Variants in KLHL5 observed in about 807,000 individuals in gnomAD.
KLHL5 encodes the protein kelch-like protein 5.
KLHL5 carries 48 observed loss-of-function variants against 77.7 expected under a neutral mutation model. The observed-to-expected ratio is 0.62, with a 90% CI of 0.49 to 0.79. The LOEUF (loss-of-function observed/expected upper bound fraction) is 0.79, where lower values mean the gene tolerates loss of function less well. Among genes scored for constraint, KLHL5 ranks in the 30% least tolerant of loss-of-function variants. The pLI is 0.00. For synonymous variants in KLHL5, 260 were observed against 297.0 expected (o/e 0.88, Z 1.28); for missense variants, 723 against 859.7 (o/e 0.84, Z 1.99).
chr4:39,075,669 CTT>C (rs1008727680), intron 1 of KLHL5, among the ~76,000 whole-genome samples: 3 of 152,014 alleles, frequency 2.0e-5, no homozygotes, highest in Admixed American at 6.6e-5. Flanking sequence ...TAGCTTAGCT[CTT>C]TTTCAGCAGA....
intron 4 of KLHL5, among the ~76,000 whole-genome samples, chr4:39,083,526 G>C (rs1337153108): frequency 6.6e-6 from 1 of 152,146 alleles, no homozygotes; most frequent in Non-Finnish European, 1.5e-5. Flanking sequence ...ACAACAGGAT[G>C]ATAATATATA....
chr4:39,069,428 TTTTATATATATATATA>T (rs1451935332), intron 1 of KLHL5, among the ~76,000 whole-genome samples: 2 of 128,652 alleles, frequency 1.6e-5, no homozygotes, highest in African/African-American at 6.0e-5. Context: ...CCTATTAACA[TTTTATATATATATATA>T]TATATATATA....
At chr4:39,129,235 T>A (rs1486464789), downstream of KLHL5, among the ~76,000 whole-genome samples, 2 of 146,974 alleles carry the variant, frequency 1.4e-5, no homozygotes, top group Non-Finnish European at 3.0e-5. The surrounding 1 kb of genome is among the most constrained non-coding windows in gnomAD (Gnocchi z 4.2). Flanking sequence ...CAGGCTGGAG[T>A]GCAGTGGCAT....
intron 1 of KLHL5, among the ~76,000 whole-genome samples, chr4:39,063,267 C>T (rs1350638936): frequency 6.6e-6 from 1 of 151,584 alleles, no homozygotes; most frequent in East Asian, 1.9e-4. Context: ...ATCTTGTGTT[C>T]TATATATAGA....
intron 8 of KLHL5, among the ~76,000 whole-genome samples, chr4:39,110,832 A>G (rs1157289753): frequency 1.3e-5 from 2 of 152,152 alleles, no homozygotes; most frequent in Non-Finnish European, 1.5e-5. Context: ...TTAAGTATAT[A>G]TAGGTAGTAC....
intron 1 of KLHL5, among the ~76,000 whole-genome samples, chr4:39,065,260 T>G (rs1319734194): frequency 6.6e-6 from 1 of 152,214 alleles, no homozygotes; most frequent in Non-Finnish European, 1.5e-5. Flanking sequence ...CTCAGCTTTT[T>G]GATTAAGTGA....
At chr4:39,105,917 G>C (rs904633839) in intron 7 of KLHL5, among the ~76,000 whole-genome samples, 7 of 152,020 alleles carry the variant, frequency 4.6e-5, no homozygotes, top group African/African-American at 1.2e-4. Context: ...CTGTAATACA[G>C]GGGTTCTTTT....
Position 39,082,141 on chromosome 4 carries a change from G to A in KLHL5, c.882G>A (p.Val294=), listed in dbSNP as rs1242660924. ...AAGGTTGTACAGATTTGCATAAAGT[G>A]GCTCACAATTATACTATGGTATGTA... ...DAQGCTDLHK[V]AHNYTMEHFM... is the part of the protein sequence containing the mutation. Residue 294 remains valine (V), a synonymous_variant, in exon 4 of 11, where the codon GTG becomes GTA. Coordinates refer to ENST00000504108, the MANE Select transcript of KLHL5 (RefSeq NM_015990.5). The A allele has an allele frequency of 2.5e-6, 4 of 1,605,460 alleles. No individual in the cohort carries two copies. Among genetic ancestry groups the A allele is most frequent in the African/African-American group, 1.3e-5 (1 of 74,546 alleles).
chr4:39,069,459 TATATATATATATATAC>T (rs1471763202), intron 1 of KLHL5, among the ~76,000 whole-genome samples: 55 of 48,478 alleles, frequency 1.1e-3, no homozygotes, highest in African/African-American at 2.7e-3. Flanking sequence ...TATATATATA[TATATATATATATATAC>T]ACACACACAC....
At chr4:39,069,438 A>ATATATATATATATATATT (rs1718211497) in intron 1 of KLHL5, among the ~76,000 whole-genome samples, 1 of 16,998 alleles carries the variant, frequency 5.9e-5, no homozygotes, top group South Asian at 9.2e-4. Flanking sequence ...TTTTATATAT[A>ATATATATATATATATATT]TATATATATA....
At chr4:39,099,499 C>G (rs756626889) in intron 6 of KLHL5, among the ~76,000 whole-genome samples, 3 of 152,098 alleles carry the variant, frequency 2.0e-5, no homozygotes, top group Admixed American at 2.0e-4. Flanking sequence ...TCTATTAATA[C>G]TTCTTCCCTC....
chr4:39,063,063 G>A (rs1717579467), intron 1 of KLHL5, 28 bp downstream of exon 1: 6 of 1,544,742 alleles, frequency 3.9e-6, no homozygotes, highest in South Asian at 1.2e-5. Context: ...TGTTAGAAAA[G>A]GGGTGTGGGG....
At chr4:39,103,125 C>G (rs1166340335) in intron 6 of KLHL5, among the ~76,000 whole-genome samples, 162 bp from the exon 7 acceptor site, 1 of 152,110 alleles carries the variant, frequency 6.6e-6, no homozygotes, top group Non-Finnish European at 1.5e-5. Flanking sequence ...GAGATGAGGA[C>G]ACAGAGGTAG....
At chr4:39,093,382 T>C (rs943507067) in intron 5 of KLHL5, 2 of 455,704 alleles carry the variant, frequency 4.4e-6, no homozygotes, top group Non-Finnish European at 8.8e-6. Flanking sequence ...TGGGATCTAA[T>C]TGAGGTGATG....
At chr4:39,061,766 G>A (rs1717432171), upstream of KLHL5, among the ~76,000 whole-genome samples, 1 of 152,144 alleles carries the variant, frequency 6.6e-6, no homozygotes, top group South Asian at 2.1e-4. Flanking sequence ...ACACTAACTG[G>A]CAGTGGCCCA....
chr4:39,086,849 T>C (rs1343018430), intron 5 of KLHL5, 122 bp downstream of exon 5: 2 of 677,880 alleles, frequency 3.0e-6, no homozygotes, highest in Non-Finnish European at 5.1e-6. Context: ...AAATTCTGCT[T>C]ATGCTTTCAG....
At chr4:39,063,073 G>A (rs1374600350) in intron 1 of KLHL5, 38 bp downstream of exon 1, 1 of 1,480,666 alleles carries the variant, frequency 6.8e-7, no homozygotes, top group South Asian at 1.3e-5. Flanking sequence ...GGGGTGTGGG[G>A]GTATGGCTCT....
intron 7 of KLHL5, among the ~76,000 whole-genome samples, chr4:39,105,772 A>G (rs1309747068): frequency 6.8e-6 from 1 of 146,236 alleles, no homozygotes; most frequent in African/African-American, 2.5e-5. Context: ...ACACACACAC[A>G]CATAAAATCT....
chr4:39,130,345 T>A (rs1339470339), downstream of KLHL5, among the ~76,000 whole-genome samples: 1 of 152,216 alleles, frequency 6.6e-6, no homozygotes, highest in East Asian at 1.9e-4. Flanking sequence ...AGATCGCTCA[T>A]GCTATTGTTT....
Sources: allele counts gnomAD v4.1 joint callset (sites outside exome capture counted in the v4.1 genomes callset), GRCh38; gene constraint gnomAD v4.1.1; non-coding constraint Gnocchi (gnomAD v3.1); transcripts MANE v1.5; gene names NCBI Gene and HGNC (gene_info 2026-07-23, HGNC 2026-07-21).